OLFM3: variants seen among roughly 807,000 people sequenced by gnomAD.
OLFM3 encodes the protein noelin-3.
Under a neutral mutation model 48.6 loss-of-function variants are expected in OLFM3, and 20 were observed. The ratio of observed to expected loss-of-function variants is 0.41; its 90% CI spans 0.29 to 0.60. OLFM3 has a LOEUF of 0.60. OLFM3 is among the 20% of genes least tolerant of loss of function. The probability of loss-of-function intolerance (pLI) is 0.28; values close to 1 mark genes in which losing one functional copy is unlikely to be tolerated. For synonymous variants in OLFM3, 222 were observed against 198.1 expected (o/e 1.12, Z -1.01); for missense variants, 437 against 544.3 (o/e 0.80, Z 1.96).
chr1:101,895,941 A>G (rs1658182405), intron 1 of OLFM3, among the ~76,000 whole-genome samples: 2 of 150,568 alleles, frequency 1.3e-5, no homozygotes, highest in Non-Finnish European at 1.5e-5. Context: ...CTCATGCAAG[A>G]GTTACCAAAT....
chr1:101,951,286 T>A (rs768570853), intron 1 of OLFM3, among the ~76,000 whole-genome samples: 3 of 152,240 alleles, frequency 2.0e-5, no homozygotes, highest in Non-Finnish European at 4.4e-5. Context: ...TTATAACATT[T>A]TTCACTGAAG....
chr1:101,868,680 G>GA (rs1656951749), intron 1 of OLFM3, among the ~76,000 whole-genome samples: 1 of 152,222 alleles, frequency 6.6e-6, no homozygotes. Context: ...AGACAATGGG[G>GA]AAAATGTCTC....
At chr1:101,917,287 C>T (rs563946280) in intron 1 of OLFM3, among the ~76,000 whole-genome samples, 8 of 152,134 alleles carry the variant, frequency 5.3e-5, no homozygotes, top group Non-Finnish European at 1.0e-4. Flanking sequence ...TGTAAATAAG[C>T]ACAGATTTTG....
rs1273025051 is a variant in OLFM3, at chr1:101,838,028, C to CA, written c.70-1004dup. Reference sequence around the variant, plus strand: ...CCAGCTATTTTTTTTTATATATAGACAAAACCTCACTCTGTCACCCAGGCT... The same window carrying CA: ...CCAGCTATTTTTTTTTATATATAGACAAAAACCTCACTCTGTCACCCAGGCT... On this transcript the variant is annotated intron_variant, in intron 1 of 5. Coordinates refer to ENST00000370103, the MANE Select transcript of OLFM3 (RefSeq NM_058170.4). 3 of 152,018 alleles carry CA rather than the reference C, an allele frequency of 2.0e-5. No homozygotes were observed. In the East Asian group the frequency reaches 5.8e-4, roughly 29 times the overall value. 9.4% of individuals were successfully genotyped at this position (152,018 alleles called of 1,614,324 possible).
intron 4 of OLFM3, among the ~76,000 whole-genome samples, chr1:101,810,141 A>C (rs1473549848): frequency 6.6e-6 from 1 of 151,912 alleles, no homozygotes; most frequent in Non-Finnish European, 1.5e-5. Flanking sequence ...GATTTTTCCT[A>C]TTGTTGAAAA....
chr1:101,987,368 A>G (rs1661272298), intron 1 of OLFM3, among the ~76,000 whole-genome samples: 1 of 152,184 alleles, frequency 6.6e-6, no homozygotes, highest in African/African-American at 2.4e-5. Flanking sequence ...CTAGTACCCA[A>G]CTTATAAAGA....
intron 1 of OLFM3, among the ~76,000 whole-genome samples, chr1:101,934,511 A>G (rs1659550439): frequency 6.6e-6 from 1 of 152,218 alleles, no homozygotes; most frequent in South Asian, 2.1e-4. Context: ...AGATAACTAT[A>G]GCATAACAGT....
At chr1:101,929,203 A>G (rs1330063214) in intron 1 of OLFM3, among the ~76,000 whole-genome samples, 2 of 152,144 alleles carry the variant, frequency 1.3e-5, no homozygotes, top group African/African-American at 2.4e-5. Flanking sequence ...GTAAAATGTC[A>G]TAAGTGCTCT....
intron 1 of OLFM3, among the ~76,000 whole-genome samples, chr1:101,861,343 T>G (rs1656647941): frequency 6.6e-6 from 1 of 150,550 alleles, no homozygotes; most frequent in South Asian, 2.1e-4. Flanking sequence ...ATTACAGGCA[T>G]GAGCCACCGT....
chr1:101,974,418 A>G (rs1029350876), intron 1 of OLFM3, among the ~76,000 whole-genome samples: 6 of 152,212 alleles, frequency 3.9e-5, no homozygotes, highest in African/African-American at 1.4e-4. Flanking sequence ...CCTCAGATCA[A>G]TAATTTCATA....
chr1:101,824,676 CAACAACA>C (rs1654772433), intron 4 of OLFM3, among the ~76,000 whole-genome samples: 2 of 121,608 alleles, frequency 1.6e-5, no homozygotes, highest in Non-Finnish European at 3.7e-5. Context: ...ACAACAACAA[CAACAACA>C]AAAAACAGTT....
intron 4 of OLFM3, among the ~76,000 whole-genome samples, chr1:101,820,275 TG>T (rs957773812): frequency 6.6e-6 from 1 of 152,052 alleles, no homozygotes; most frequent in Non-Finnish European, 1.5e-5. Context: ...CTTCACTAGA[TG>T]GCACCAAACC....
intron 1 of OLFM3, among the ~76,000 whole-genome samples, chr1:101,851,423 C>T (rs775046418): frequency 4.6e-5 from 7 of 152,090 alleles, no homozygotes; most frequent in African/African-American, 1.2e-4. Flanking sequence ...AGAAATACCA[C>T]GATTTGAGCC....
intron 1 of OLFM3, among the ~76,000 whole-genome samples, chr1:101,926,037 G>A (rs901628772): frequency 6.6e-6 from 1 of 152,174 alleles, no homozygotes; most frequent in Non-Finnish European, 1.5e-5. Context: ...ATCAAGGAAA[G>A]TGACAAAGTA....
intron 1 of OLFM3, among the ~76,000 whole-genome samples, chr1:101,921,722 C>T (rs1024765633): frequency 6.6e-6 from 1 of 152,138 alleles, no homozygotes; most frequent in Non-Finnish European, 1.5e-5. Flanking sequence ...ATCTCTACAA[C>T]TCTGTATGAA....
rs561376233 is a variant in OLFM3, at chr1:101,925,121, T to C, written c.69+71627A>G. ...GAGAATAAGACCAGGTTATGGGTTTTCATAAAACATGGCCTGCTTGGGAAG... is the reference window on the plus strand; with the variant it reads ...GAGAATAAGACCAGGTTATGGGTTTCCATAAAACATGGCCTGCTTGGGAAG... On this transcript the variant is annotated intron_variant, in intron 1 of 5. Transcript: ENST00000370103. Among the ~76,000 whole-genome samples the C allele has an allele frequency of 3.0e-4, 45 of 152,294 alleles. No homozygotes were observed. In the South Asian group the frequency reaches 9.3e-3, roughly 32 times the overall value.
intron 1 of OLFM3, among the ~76,000 whole-genome samples, chr1:101,956,381 A>G (rs1198834823): frequency 2.6e-5 from 4 of 151,784 alleles, no homozygotes; most frequent in Admixed American, 1.3e-4. Flanking sequence ...GATTCCAGGT[A>G]TACCATACTT....
At chr1:101,992,100 T>C (rs1661427810) in intron 1 of OLFM3, among the ~76,000 whole-genome samples, 1 of 152,116 alleles carries the variant, frequency 6.6e-6, no homozygotes, top group Non-Finnish European at 1.5e-5. Flanking sequence ...TCTATGTATA[T>C]CATCAATAGA....
chr1:101,989,171 C>T (rs1389998513), intron 1 of OLFM3, among the ~76,000 whole-genome samples: 1 of 152,014 alleles, frequency 6.6e-6, no homozygotes, highest in African/African-American at 2.4e-5. Context: ...AAAAGCTTTC[C>T]AGGGAGAGGC....
Sources: gnomAD v4.1 joint callset for allele counts (sites outside exome capture counted in the v4.1 genomes callset) on GRCh38, gnomAD v4.1.1 for gene constraint, MANE v1.5 for transcripts, NCBI Gene and HGNC (gene_info 2026-07-23, HGNC 2026-07-21) for gene names.